CCDC102B: variants seen among roughly 807,000 people sequenced by gnomAD.
CCDC102B encodes coiled-coil domain containing 102B, also known as coiled-coil domain-containing protein 102B.
A neutral mutation model predicts 57.4 loss-of-function variants in CCDC102B; 75 were observed. That is an observed-to-expected ratio of 1.31 (90% confidence interval 1.08 to 1.58). CCDC102B has a LOEUF of 1.58. CCDC102B is among the 40% of genes most tolerant of loss of function. The pLI, the probability that CCDC102B is intolerant of heterozygous loss-of-function variation, is 0.00. For synonymous variants in CCDC102B, 206 were observed against 201.9 expected, an observed-to-expected ratio of 1.02 and a Z score of -0.17; for missense variants, 636 against 582.6, an observed-to-expected ratio of 1.09 and a Z score of -0.94.
In CCDC102B at chr18:68,786,543, A is replaced by G. The variant is rs373854576; in HGVS notation, c.-66-36823A>G. 4.2e-5 allele frequency among the ~76,000 whole-genome samples: 6 copies of G among 143,506 alleles called. No homozygotes were observed. In the South Asian group the frequency reaches 7.0e-4, roughly 17 times the overall value. 94.1% of individuals were successfully genotyped at this position (143,506 alleles called of 152,430 possible). A position where few individuals can be genotyped will look rare whatever the true frequency, so the allele number is the denominator to read the frequency against. ...AGTTCTCCTTGAAGAGGTCCTTCAC[A>G]TCCCTTGTAAGTTGGATTCCTAGGT... On this transcript the variant is annotated intron_variant, in intron 2 of 3. Transcript: ENST00000578970.
chr18:68,731,809 C>T (rs1263088752), intron 2 of CCDC102B, among the ~76,000 whole-genome samples: 1 of 148,986 alleles, frequency 6.7e-6, no homozygotes, highest in Non-Finnish European at 1.5e-5. Flanking sequence ...AGACAATAGT[C>T]TTGAGATTTT....
intron 2 of CCDC102B, among the ~76,000 whole-genome samples, chr18:68,773,373 T>A (rs1159815173): frequency 2.6e-5 from 4 of 152,044 alleles, no homozygotes; most frequent in African/African-American, 9.6e-5. Context: ...GTTTGCTTCA[T>A]ATGCAGTAAA....
intron 6 of CCDC102B, among the ~76,000 whole-genome samples, chr18:68,957,052 G>A (rs1828712052): frequency 6.6e-6 from 1 of 151,902 alleles, no homozygotes; most frequent in Middle Eastern, 3.2e-3. Flanking sequence ...TGGATAGTAT[G>A]CAAATATTTT....
At chr18:69,055,655 T>A (rs1314569027), downstream of CCDC102B, among the ~76,000 whole-genome samples, 5 of 152,218 alleles carry the variant, frequency 3.3e-5, no homozygotes, top group East Asian at 9.7e-4. Flanking sequence ...TGCTTTTCTG[T>A]GGCTGTGCCC....
At chr18:68,753,154 A>G (rs1406008097) in intron 2 of CCDC102B, 3 of 152,130 alleles carry the variant, frequency 2.0e-5, no homozygotes. Flanking sequence ...TCATTTTTTT[A>G]AAAAAGAATG....
chr18:68,975,584 C>T (rs1263576014), intron 6 of CCDC102B, among the ~76,000 whole-genome samples: 1 of 151,904 alleles, frequency 6.6e-6, no homozygotes, highest in Non-Finnish European at 1.5e-5. Context: ...ATTAATAAAT[C>T]ATAAGTAAAG....
At chr18:68,850,365 G>GT (rs1423357495) in intron 4 of CCDC102B, among the ~76,000 whole-genome samples, 1 of 151,924 alleles carries the variant, frequency 6.6e-6, no homozygotes, top group Non-Finnish European at 1.5e-5. Context: ...AAGTGGAAGG[G>GT]TTTTTTTCTC....
chr18:68,820,801 T>C (rs1228748405), intron 1 of CCDC102B, among the ~76,000 whole-genome samples: 4 of 152,266 alleles, frequency 2.6e-5, no homozygotes, highest in South Asian at 2.1e-4. Context: ...ATGGATCTTA[T>C]CCACATTGAG....
intron 2 of CCDC102B, among the ~76,000 whole-genome samples, chr18:68,726,824 T>C (rs2032617376): frequency 1.3e-5 from 2 of 152,164 alleles, no homozygotes; most frequent in Non-Finnish European, 2.9e-5. Context: ...AAAAGCAGCT[T>C]TACCATGATC....
intron 6 of CCDC102B, among the ~76,000 whole-genome samples, chr18:68,955,697 C>G (rs116093142): frequency 1.3e-5 from 2 of 151,398 alleles, no homozygotes; most frequent in African/African-American, 4.9e-5. Flanking sequence ...CGTTTCCAAA[C>G]GTTGCTGATG....
chr18:68,874,224 ACTT>A (rs2039354043), intron 4 of CCDC102B, among the ~76,000 whole-genome samples: 1 of 140,146 alleles, frequency 7.1e-6, no homozygotes, highest in Non-Finnish European at 1.6e-5. Flanking sequence ...ATATATATAT[ACTT>A]TATTTCCATT....
At chr18:69,049,529 A>G (rs566872910) in intron 7 of CCDC102B, among the ~76,000 whole-genome samples, 21 of 152,256 alleles carry the variant, frequency 1.4e-4, no homozygotes, top group African/African-American at 2.9e-4. Context: ...AAAATATTCA[A>G]TTGGAAGAAT....
chr18:68,950,857 A>AT (rs201208007), intron 6 of CCDC102B, among the ~76,000 whole-genome samples: 1,944 of 151,570 alleles, frequency 0.013, 21 homozygotes, highest in East Asian at 0.035. Context: ...TTAAAGTGGT[A>AT]TTTTTTTTTG....
At chr18:68,782,913 C>A (rs2035054425) in intron 2 of CCDC102B, among the ~76,000 whole-genome samples, 1 of 152,062 alleles carries the variant, frequency 6.6e-6, no homozygotes, top group African/African-American at 2.4e-5. Context: ...TGAGGCCATT[C>A]TTTTTTAGTG....
At chr18:68,785,752 C>T (rs1045660637) in intron 2 of CCDC102B, among the ~76,000 whole-genome samples, 51 of 150,072 alleles carry the variant, frequency 3.4e-4, no homozygotes, top group Admixed American at 6.0e-4. Context: ...GAGTAGGTTG[C>T]GAAAATTTTC....
At chr18:68,879,030 C>G (rs898760186) in intron 5 of CCDC102B, among the ~76,000 whole-genome samples, 2 of 151,990 alleles carry the variant, frequency 1.3e-5, no homozygotes, top group Non-Finnish European at 2.9e-5. Flanking sequence ...TTCGTGGTCT[C>G]GCTGGCTCAG....
At chr18:68,726,661 T>C (rs1293148032) in intron 2 of CCDC102B, among the ~76,000 whole-genome samples, 1 of 152,216 alleles carries the variant, frequency 6.6e-6, no homozygotes, top group African/African-American at 2.4e-5. Context: ...TGCATTCCTG[T>C]AGAATGGTTT....
chr18:68,953,998 A>G (rs1298968748), intron 6 of CCDC102B, among the ~76,000 whole-genome samples: 1 of 152,100 alleles, frequency 6.6e-6, no homozygotes, highest in Admixed American at 6.6e-5. Context: ...TGGAGAGACC[A>G]TGTTATGTTT....
intron 1 of CCDC102B, among the ~76,000 whole-genome samples, chr18:68,827,311 TTGAAA>T (rs2144755768): frequency 6.6e-6 from 1 of 152,218 alleles, no homozygotes; most frequent in African/African-American, 2.4e-5. Context: ...TATTTAATGA[TTGAAA>T]TGAAAATTAT....
Sources: allele counts gnomAD v4.1 joint callset (sites outside exome capture counted in the v4.1 genomes callset), GRCh38; gene constraint gnomAD v4.1.1; transcripts MANE v1.5; gene names NCBI Gene and HGNC (gene_info 2026-07-23, HGNC 2026-07-21).